NRG3: variants seen among roughly 807,000 people sequenced by gnomAD.
NRG3 encodes the protein pro-neuregulin-3, membrane-bound isoform.
Under a neutral mutation model 66.9 loss-of-function variants are expected in NRG3, and 31 were observed. That is an observed-to-expected ratio of 0.46 (90% CI 0.35 to 0.63). NRG3 has a LOEUF of 0.63. NRG3 is among the 20% of genes least tolerant of loss of function. The pLI is 0.00. For missense variants in NRG3, 910 were observed against 878.9 expected (o/e 1.04, Z -0.45); for synonymous variants, 393 against 359.4 (o/e 1.09, Z -1.06).
intron 2 of NRG3, among the ~76,000 whole-genome samples, chr10:82,367,354 A>C (rs1366753576): frequency 6.6e-6 from 1 of 152,182 alleles, no homozygotes; most frequent in African/African-American, 2.4e-5. Flanking sequence ...CTTAACCCTT[A>C]TAATGAGAGT....
At chr10:82,984,465 G>T (rs1853246996) in intron 8 of NRG3, among the ~76,000 whole-genome samples, 1 of 152,180 alleles carries the variant, frequency 6.6e-6, no homozygotes, top group Admixed American at 6.5e-5. Context: ...GGAATTGTTA[G>T]CCTCCCATTC....
intron 2 of NRG3, among the ~76,000 whole-genome samples, chr10:82,527,038 G>C (rs1846769145): frequency 6.6e-6 from 1 of 151,882 alleles, no homozygotes. Context: ...ATACTCTTGA[G>C]AATATCATGA....
chr10:82,936,389 C>T (rs1024923382), intron 4 of NRG3, among the ~76,000 whole-genome samples: 1 of 151,846 alleles, frequency 6.6e-6, no homozygotes, highest in African/African-American at 2.4e-5. Context: ...TATATGGAAT[C>T]TAAAAAAAGC....
intron 8 of NRG3, among the ~76,000 whole-genome samples, chr10:82,980,289 T>C (rs1852731970): frequency 6.6e-6 from 1 of 152,182 alleles, no homozygotes; most frequent in African/African-American, 2.4e-5. Context: ...AAAAATTATG[T>C]GTGTAAAGAG....
intron 3 of NRG3, among the ~76,000 whole-genome samples, chr10:82,837,971 A>G (rs1016371367): frequency 6.6e-6 from 1 of 152,160 alleles, no homozygotes; most frequent in African/African-American, 2.4e-5. Context: ...ATTTCAAAAA[A>G]CAAAACCACT....
intron 2 of NRG3, among the ~76,000 whole-genome samples, chr10:82,599,374 A>G (rs1297375372): frequency 6.6e-6 from 1 of 152,160 alleles, no homozygotes; most frequent in Non-Finnish European, 1.5e-5. Flanking sequence ...AGCAGAGAGG[A>G]GACCAAATAG....
chr10:81,958,105 C>T (rs1055831480), intron 1 of NRG3, among the ~76,000 whole-genome samples: 2 of 152,072 alleles, frequency 1.3e-5, no homozygotes, highest in African/African-American at 4.8e-5. Flanking sequence ...ATTTTACAGC[C>T]CTGGCAATTG....
chr10:82,322,409 T>A (rs1441092993), intron 1 of NRG3, among the ~76,000 whole-genome samples: 2 of 152,146 alleles, frequency 1.3e-5, no homozygotes, highest in East Asian at 1.9e-4. Flanking sequence ...TCAAATAATA[T>A]GAGATTAAAA....
At chr10:82,227,371 C>T (rs1265859744) in intron 1 of NRG3, among the ~76,000 whole-genome samples, 1 of 152,110 alleles carries the variant, frequency 6.6e-6, no homozygotes, top group Non-Finnish European at 1.5e-5. Flanking sequence ...CACACCCTTG[C>T]ATTTGACAAC....
intron 1 of NRG3, among the ~76,000 whole-genome samples, chr10:82,234,867 G>A (rs1263406527): frequency 1.3e-5 from 2 of 152,302 alleles, no homozygotes; most frequent in East Asian, 3.9e-4. Flanking sequence ...CTATGCAGCG[G>A]GTCTCCACTG....
intron 2 of NRG3, among the ~76,000 whole-genome samples, chr10:82,405,349 T>C (rs1292964220): frequency 6.6e-6 from 1 of 151,838 alleles, no homozygotes; most frequent in Non-Finnish European, 1.5e-5. Flanking sequence ...CCATGGTGGC[T>C]GGAACAAAGT....
intron 1 of NRG3, among the ~76,000 whole-genome samples, chr10:82,247,805 C>T (rs1322837328): frequency 6.6e-6 from 1 of 152,096 alleles, no homozygotes; most frequent in Non-Finnish European, 1.5e-5. Flanking sequence ...TGAGACTGCC[C>T]ATTCAGATAT....
At chr10:81,981,850 C>A (rs188398176) in intron 1 of NRG3, among the ~76,000 whole-genome samples, 24 of 152,252 alleles carry the variant, frequency 1.6e-4, no homozygotes, top group Admixed American at 3.9e-4. Flanking sequence ...ATGTCTGTCC[C>A]CTTTAGTCCA....
intron 1 of NRG3, among the ~76,000 whole-genome samples, chr10:81,883,140 C>T (rs1442029396): frequency 1.3e-5 from 2 of 152,174 alleles, no homozygotes; most frequent in Admixed American, 1.3e-4. Flanking sequence ...CATGTCTGCA[C>T]TGCATTCCCT....
chr10:82,218,685 C>T (rs1765955473), intron 1 of NRG3, among the ~76,000 whole-genome samples: 1 of 152,142 alleles, frequency 6.6e-6, no homozygotes, highest in South Asian at 2.1e-4. Flanking sequence ...ACATATCTTT[C>T]TTCTTCTGTC....
At chr10:82,913,453 GA>G (rs1845524522) in intron 4 of NRG3, among the ~76,000 whole-genome samples, 2 of 152,026 alleles carry the variant, frequency 1.3e-5, no homozygotes, top group African/African-American at 4.8e-5. Context: ...TCTTTCTGAA[GA>G]AGGCTTAACA....
At chr10:82,865,284 G>C in intron 3 of NRG3, 127 bp from the exon 4 acceptor site, 1 of 830,842 alleles carries the variant, frequency 1.2e-6, no homozygotes. Context: ...AAACATAGGG[G>C]TTAAAATTGA....
chr10:82,508,258 A>G (rs1844858941), intron 2 of NRG3, among the ~76,000 whole-genome samples: 1 of 152,230 alleles, frequency 6.6e-6, no homozygotes, highest in African/African-American at 2.4e-5. Context: ...AGAAACTCAG[A>G]TTGGCCATTG....
chr10:82,897,238 A>G (rs1258193204), intron 4 of NRG3, among the ~76,000 whole-genome samples: 1 of 152,236 alleles, frequency 6.6e-6, no homozygotes. Flanking sequence ...TGGATTAAAC[A>G]CCTTTTGAGA....
Sources: gnomAD v4.1 joint callset for allele counts (sites outside exome capture counted in the v4.1 genomes callset) on GRCh38, gnomAD v4.1.1 for gene constraint, MANE v1.5 for transcripts, NCBI Gene and HGNC (gene_info 2026-07-23, HGNC 2026-07-21) for gene names.